Variants in PRKAR2A observed in about 807,000 individuals in gnomAD.
PRKAR2A encodes the protein protein kinase cAMP-dependent type II regulatory subunit alpha.
PRKAR2A carries 29 observed loss-of-function variants against 51.9 expected under a neutral mutation model. The ratio of observed to expected loss-of-function variants is 0.56; its 90% confidence interval spans 0.42 to 0.76. The LOEUF is 0.76. PRKAR2A is among the 30% of genes least tolerant of loss of function. The pLI, the probability that PRKAR2A is intolerant of heterozygous loss-of-function variation, is 0.00. For synonymous variants in PRKAR2A, 178 were observed against 186.2 expected (o/e 0.96, Z 0.36); for missense variants, 445 against 512.1 (o/e 0.87, Z 1.26).
intron 5 of PRKAR2A, among the ~76,000 whole-genome samples, chr3:48,778,787 G>A (rs1370462113): frequency 6.6e-6 from 1 of 150,896 alleles, no homozygotes; most frequent in Non-Finnish European, 1.5e-5. Flanking sequence ...CAAAGCGCTG[G>A]GATTACAGGC....
intron 1 of PRKAR2A, among the ~76,000 whole-genome samples, chr3:48,827,641 G>A (rs933114577): frequency 6.6e-6 from 1 of 152,000 alleles, no homozygotes; most frequent in African/African-American, 2.4e-5. Context: ...TAAAAATATG[G>A]TATAAAAGTA....
intron 5 of PRKAR2A, among the ~76,000 whole-genome samples, chr3:48,779,761 C>G (rs1420231274): frequency 6.7e-6 from 1 of 148,946 alleles, no homozygotes; most frequent in Non-Finnish European, 1.5e-5. Flanking sequence ...ACCTGAGCAA[C>G]AGAGCAAGAC....
chr3:48,759,074 A>G (rs1394186112), intron 8 of PRKAR2A, among the ~76,000 whole-genome samples: 1 of 152,248 alleles, frequency 6.6e-6, no homozygotes, highest in Non-Finnish European at 1.5e-5. Flanking sequence ...ATGTGAAACA[A>G]TGCAAGGGGA....
chr3:48,767,628 T>G (rs1340481060), intron 6 of PRKAR2A, among the ~76,000 whole-genome samples: 2 of 151,586 alleles, frequency 1.3e-5, no homozygotes, highest in African/African-American at 4.8e-5. Context: ...CAACTCTATT[T>G]AAAACACAAA....
At chr3:48,833,160 C>T (rs1397499827) in intron 1 of PRKAR2A, among the ~76,000 whole-genome samples, 4 of 152,178 alleles carry the variant, frequency 2.6e-5, no homozygotes, top group African/African-American at 7.2e-5. Context: ...CTCAGCCCCC[C>T]AAGTAGCTGG....
At chr3:48,757,112 G>A (rs1314461667) in intron 8 of PRKAR2A, among the ~76,000 whole-genome samples, 4 of 152,298 alleles carry the variant, frequency 2.6e-5, no homozygotes, top group Non-Finnish European at 2.9e-5. Flanking sequence ...GAACAGCCAT[G>A]AAAGAAACTT....
intron 9 of PRKAR2A, among the ~76,000 whole-genome samples, chr3:48,754,859 G>GT (rs570842372): frequency 5.2e-4 from 79 of 151,182 alleles, no homozygotes; most frequent in Admixed American, 1.1e-3. Context: ...GGAGGTTGCA[G>GT]TGAGTTGAGA....
intron 1 of PRKAR2A, among the ~76,000 whole-genome samples, chr3:48,835,445 T>C (rs1027081110): frequency 8.6e-5 from 13 of 151,764 alleles, no homozygotes; most frequent in Admixed American, 5.9e-4. Flanking sequence ...ATCGAGGCCA[T>C]CCTGGCTAAC....
chr3:48,767,923 CAA>C (rs1213781822), intron 6 of PRKAR2A, among the ~76,000 whole-genome samples: 1 of 121,758 alleles, frequency 8.2e-6, no homozygotes, highest in African/African-American at 3.0e-5. Context: ...GACTCCATCT[CAA>C]AAAAAAAAAC....
At chr3:48,825,111 C>T (rs1420476234) in intron 1 of PRKAR2A, among the ~76,000 whole-genome samples, 1 of 140,802 alleles carries the variant, frequency 7.1e-6, no homozygotes. Context: ...CTCGGCTCAC[C>T]GTAACCTCTG....
intron 4 of PRKAR2A, 33 bp from the exon 5 acceptor site, chr3:48,783,125 C>T (rs772729688): frequency 7.1e-7 from 1 of 1,403,632 alleles, no homozygotes; most frequent in Non-Finnish European, 1.0e-6. Flanking sequence ...AAAAAATAGC[C>T]TTTACATATG....
At chr3:48,783,582 T>C (rs2082238551) in intron 4 of PRKAR2A, among the ~76,000 whole-genome samples, 1 of 151,910 alleles carries the variant, frequency 6.6e-6, no homozygotes, top group Non-Finnish European at 1.5e-5. Flanking sequence ...GTATCTTGTT[T>C]GTTTTTTTTT....
At chr3:48,803,431 ATTTG>A (rs1002422317) in intron 2 of PRKAR2A, among the ~76,000 whole-genome samples, 18 of 152,000 alleles carry the variant, frequency 1.2e-4, no homozygotes, top group African/African-American at 2.9e-4. Flanking sequence ...TTATTTGTTT[ATTTG>A]TTTATTTATT....
chr3:48,823,767 C>G (rs985533470), intron 1 of PRKAR2A, among the ~76,000 whole-genome samples: 2 of 114,824 alleles, frequency 1.7e-5, no homozygotes, highest in African/African-American at 3.4e-5. Context: ...GCCTGGGCAA[C>G]AGAGAAATAC....
At chr3:48,764,053 T>C (rs2081902172) in intron 8 of PRKAR2A, among the ~76,000 whole-genome samples, 1 of 152,286 alleles carries the variant, frequency 6.6e-6, no homozygotes, top group South Asian at 2.1e-4. Context: ...ACCTGACCAA[T>C]CTGAGCCTTT....
At chr3:48,816,402 G>A (rs2082874904) in intron 1 of PRKAR2A, among the ~76,000 whole-genome samples, 1 of 151,848 alleles carries the variant, frequency 6.6e-6, no homozygotes, top group Non-Finnish European at 1.5e-5. Context: ...TTACTAACTG[G>A]GGCCGAGGCA....
At position 48,801,341 on chromosome 3, in the gene PRKAR2A, C is replaced by T. The variant is rs148738156; in HGVS notation, c.298+6308G>A. On this transcript the variant is annotated intron_variant, in intron 2 of 10. Coordinates refer to ENST00000265563, the MANE Select transcript of PRKAR2A (RefSeq NM_004157.4). ...CTAAATTTTGTATTTTTAGTCAAGA[C>T]GAAGCTTCACCATGTTGGCCAGGCT... is the stretch of plus-strand genomic sequence containing the variant. Among the ~76,000 whole-genome samples, 566 of 152,112 alleles carry T rather than the reference C, an allele frequency of 3.7e-3. 5 individuals are homozygous for T. Among genetic ancestry groups the T allele is most frequent in the Non-Finnish European group, 5.6e-3 (379 of 68,002 alleles).
intron 1 of PRKAR2A, among the ~76,000 whole-genome samples, chr3:48,814,981 G>A (rs946223271): frequency 6.0e-4 from 91 of 152,028 alleles, no homozygotes; most frequent in African/African-American, 2.0e-3. Flanking sequence ...GTGCAATCTC[G>A]GCTCAATGCA....
At chr3:48,791,929 AAAAG>A in intron 3 of PRKAR2A, among the ~76,000 whole-genome samples, 1 of 150,754 alleles carries the variant, frequency 6.6e-6, no homozygotes, top group South Asian at 2.1e-4. Context: ...AAAAAAAAAA[AAAAG>A]ATAGTGTTAA....
Sources: gnomAD v4.1 joint callset for allele counts (sites outside exome capture counted in the v4.1 genomes callset) on GRCh38, gnomAD v4.1.1 for gene constraint, MANE v1.5 for transcripts, NCBI Gene and HGNC (gene_info 2026-07-23, HGNC 2026-07-21) for gene names.